Variants in LIPI observed in about 807,000 individuals in gnomAD.
The protein encoded by LIPI is lipase I.
In LIPI, 59 loss-of-function variants were observed where a neutral mutation model predicts 50.6. The observed-to-expected ratio is 1.16, with a 90% CI of 0.94 to 1.45. The LOEUF (loss-of-function observed/expected upper bound fraction) is 1.45, where lower values mean the gene tolerates loss of function less well. Among genes scored for constraint, LIPI ranks in the 40% most tolerant of loss-of-function variants. The pLI is 0.00. For synonymous variants in LIPI, 203 were observed against 178.2 expected, an observed-to-expected ratio of 1.14 and a Z score of -1.11; for missense variants, 586 against 536.3, an observed-to-expected ratio of 1.09 and a Z score of -0.92.
At chr21:14,123,797 G>A (rs191154791) in intron 9 of LIPI, among the ~76,000 whole-genome samples, 40 of 152,220 alleles carry the variant, frequency 2.6e-4, no homozygotes, top group South Asian at 6.2e-4. Flanking sequence ...AGCTCGAGCC[G>A]TGGATCTGTT....
chr21:14,114,962 AAAC>A (rs1417530673), intron 9 of LIPI, among the ~76,000 whole-genome samples: 3 of 152,224 alleles, frequency 2.0e-5, no homozygotes, highest in Non-Finnish European at 4.4e-5. Context: ...GAAGATGGCA[AAAC>A]AACATCCTTA....
chr21:14,185,730 A>C (rs1398143160), intron 3 of LIPI, among the ~76,000 whole-genome samples: 1 of 151,940 alleles, frequency 6.6e-6, no homozygotes, highest in Non-Finnish European at 1.5e-5. Context: ...AAAAACAAAA[A>C]TTAGCCGGTG....
intron 9 of LIPI, among the ~76,000 whole-genome samples, chr21:14,127,811 A>G (rs2122978453): frequency 6.6e-6 from 1 of 152,270 alleles, no homozygotes. Flanking sequence ...AAGATTTAAA[A>G]ATGTTCCTCC....
intron 9 of LIPI, among the ~76,000 whole-genome samples, chr21:14,129,639 C>A (rs1158980866): frequency 6.6e-6 from 1 of 151,048 alleles, no homozygotes; most frequent in Non-Finnish European, 1.5e-5. Context: ...TTAATAAAAA[C>A]AGTTTGATGT....
intron 9 of LIPI, among the ~76,000 whole-genome samples, chr21:14,124,597 G>T (rs900305357): frequency 1.3e-5 from 2 of 152,176 alleles, no homozygotes; most frequent in African/African-American, 2.4e-5. Flanking sequence ...GTAACATGTA[G>T]TATAAATAAA....
At chr21:14,114,905 CAAAG>C (rs1354899967) in intron 9 of LIPI, among the ~76,000 whole-genome samples, 1 of 152,092 alleles carries the variant, frequency 6.6e-6, no homozygotes, top group African/African-American at 2.4e-5. Context: ...TTTGGGGCAA[CAAAG>C]AAAGGATAGC....
At chr21:14,124,760 C>T (rs2016992132) in intron 9 of LIPI, among the ~76,000 whole-genome samples, 1 of 152,186 alleles carries the variant, frequency 6.6e-6, no homozygotes, top group Non-Finnish European at 1.5e-5. Context: ...TTAATAAAGA[C>T]CTTTCCTGAA....
chr21:14,148,498 A>G (rs2017980832), intron 8 of LIPI, among the ~76,000 whole-genome samples: 1 of 152,206 alleles, frequency 6.6e-6, no homozygotes, highest in African/African-American at 2.4e-5. Context: ...TTATGACACT[A>G]TATTTTCACT....
intron 1 of LIPI, chr21:14,206,746 GTGT>G: frequency 1.1e-6 from 1 of 895,370 alleles, no homozygotes. Flanking sequence ...GGCAAGCCCA[GTGT>G]TGTTTTATAT....
At chr21:14,180,457 T>C (rs891218786) in intron 4 of LIPI, among the ~76,000 whole-genome samples, 5 of 152,180 alleles carry the variant, frequency 3.3e-5, no homozygotes, top group Non-Finnish European at 5.9e-5. Flanking sequence ...AATTCCTCTC[T>C]TTGTACTGTC....
intron 9 of LIPI, among the ~76,000 whole-genome samples, chr21:14,138,359 G>T (rs938700179): frequency 2.0e-5 from 3 of 151,982 alleles, no homozygotes; most frequent in African/African-American, 7.2e-5. Flanking sequence ...CAGCTTTTTG[G>T]CTGTTCTTCA....
rs553732408 is a variant in LIPI, at chr21:14,156,577, A to G, written c.1007-3893T>C. On this transcript the variant is annotated intron_variant, in intron 7 of 9. Coordinates refer to ENST00000681601, the MANE Select transcript of LIPI (RefSeq NM_001302998.2). ...GGACTACCGAACTTTAAGATAGTATATTTGTGTTGTTTTAAGCCACCAAAT... is the reference window on the plus strand; with the variant it reads ...GGACTACCGAACTTTAAGATAGTATGTTTGTGTTGTTTTAAGCCACCAAAT... Among the ~76,000 whole-genome samples, 12 of 152,070 alleles carry G rather than the reference A, an allele frequency of 7.9e-5. No homozygotes were observed. In the East Asian group the frequency reaches 2.3e-3, roughly 29 times the overall value.
chr21:14,170,915 A>G (rs1355975508), intron 4 of LIPI, among the ~76,000 whole-genome samples: 2 of 151,826 alleles, frequency 1.3e-5, no homozygotes, highest in African/African-American at 2.4e-5. Context: ...GGAAAAGAGA[A>G]AGTCAAATTG....
intron 2 of LIPI, 37 bp downstream of exon 2, chr21:14,188,997 G>A (rs199752199): frequency 1.6e-5 from 24 of 1,493,426 alleles, no homozygotes; most frequent in Non-Finnish European, 2.1e-5. Flanking sequence ...ATAATATATT[G>A]TATAGCATGT....
intron 9 of LIPI, among the ~76,000 whole-genome samples, chr21:14,130,199 G>T (rs1314165431): frequency 2.6e-5 from 4 of 152,292 alleles, no homozygotes; most frequent in Admixed American, 2.0e-4. Context: ...AGATAGCCAG[G>T]TGTGGGGGTG....
At chr21:14,137,556 T>C (rs1318389189) in intron 9 of LIPI, among the ~76,000 whole-genome samples, 1 of 151,982 alleles carries the variant, frequency 6.6e-6, no homozygotes, top group African/African-American at 2.4e-5. Flanking sequence ...GAAAAAAGAA[T>C]ATAAAGCAAG....
intron 8 of LIPI, among the ~76,000 whole-genome samples, chr21:14,148,464 A>C (rs1053372031): frequency 2.6e-5 from 4 of 152,202 alleles, no homozygotes; most frequent in African/African-American, 9.6e-5. Flanking sequence ...AAAGGACTGA[A>C]TATATGACAG....
At chr21:14,127,273 A>ACCCTT (rs1373830871) in intron 9 of LIPI, among the ~76,000 whole-genome samples, 2 of 152,242 alleles carry the variant, frequency 1.3e-5, no homozygotes, top group Non-Finnish European at 2.9e-5. Context: ...ATTGCACATT[A>ACCCTT]TCTGTATGGA....
At chr21:14,177,974 A>T (rs2019151327) in intron 4 of LIPI, among the ~76,000 whole-genome samples, 1 of 152,112 alleles carries the variant, frequency 6.6e-6, no homozygotes, top group African/African-American at 2.4e-5. Flanking sequence ...CTTGAAACAG[A>T]TTGAGATACT....
Sources: gnomAD v4.1 joint callset for allele counts (sites outside exome capture counted in the v4.1 genomes callset) on GRCh38, gnomAD v4.1.1 for gene constraint, MANE v1.5 for transcripts, NCBI Gene and HGNC (gene_info 2026-07-23, HGNC 2026-07-21) for gene names.